Variants in EFNA5 observed in about 807,000 individuals in gnomAD.
EFNA5 encodes ephrin A5.
EFNA5 carries 5 observed loss-of-function variants against 22.9 expected under a neutral mutation model. The observed-to-expected ratio is 0.22, with a 90% CI of 0.11 to 0.46. The LOEUF is 0.46. EFNA5 is among the 20% of genes least tolerant of loss of function. The probability of loss-of-function intolerance (pLI) is 0.99; values close to 1 mark genes in which losing one functional copy is unlikely to be tolerated. For missense variants in EFNA5, 237 were observed against 293.3 expected, an observed-to-expected ratio of 0.81 and a Z score of 1.40; for synonymous variants, 113 against 112.2, an observed-to-expected ratio of 1.01 and a Z score of -0.04.
intron 1 of EFNA5, among the ~76,000 whole-genome samples, chr5:107,604,267 AC>A (rs1749663169): frequency 6.6e-6 from 1 of 151,440 alleles, no homozygotes; most frequent in Non-Finnish European, 1.5e-5. Flanking sequence ...GCCACCTTGA[AC>A]TCCTGGGCTC....
intron 1 of EFNA5, among the ~76,000 whole-genome samples, chr5:107,612,050 A>C (rs1448806150): frequency 1.3e-5 from 2 of 152,224 alleles, no homozygotes; most frequent in African/African-American, 2.4e-5. Context: ...ATTAACAGAT[A>C]TTCTTCAAAT....
At chr5:107,477,496 A>G (rs999746711) in intron 1 of EFNA5, among the ~76,000 whole-genome samples, 10 of 152,310 alleles carry the variant, frequency 6.6e-5, no homozygotes, top group East Asian at 5.8e-4. Flanking sequence ...AAAATTGTCT[A>G]CATTAATTTA....
intron 1 of EFNA5, among the ~76,000 whole-genome samples, chr5:107,623,060 T>TAAAAAAAA (rs1750072542): frequency 1.1e-5 from 1 of 93,250 alleles, no homozygotes; most frequent in African/African-American, 5.0e-5. Context: ...AAAAAAAAAG[T>TAAAAAAAA]TGAATACTCA....
At chr5:107,415,368 G>C (rs1378637130) in intron 2 of EFNA5, among the ~76,000 whole-genome samples, 2 of 152,096 alleles carry the variant, frequency 1.3e-5, no homozygotes, top group African/African-American at 4.8e-5. Context: ...AAACTCTTCA[G>C]AACAGAATTA....
chr5:107,397,585 T>G (rs2112384446), intron 2 of EFNA5, among the ~76,000 whole-genome samples: 1 of 152,278 alleles, frequency 6.6e-6, no homozygotes, highest in African/African-American at 2.4e-5. Context: ...CTATTTTATT[T>G]ACACAAATCA....
At chr5:107,629,597 G>T (rs1750203933) in intron 1 of EFNA5, among the ~76,000 whole-genome samples, 2 of 152,202 alleles carry the variant, frequency 1.3e-5, no homozygotes, top group African/African-American at 4.8e-5. Flanking sequence ...CTGTGCACCT[G>T]TGGCAGCAGG....
chr5:107,453,444 G>A (rs1749612214), intron 1 of EFNA5, among the ~76,000 whole-genome samples: 2 of 152,098 alleles, frequency 1.3e-5, no homozygotes, highest in South Asian at 2.1e-4. Context: ...AAAATATGCT[G>A]AGCCTATTAT....
chr5:107,475,203 A>C (rs1302136965), intron 1 of EFNA5, among the ~76,000 whole-genome samples: 1 of 152,220 alleles, frequency 6.6e-6, no homozygotes, highest in Non-Finnish European at 1.5e-5. Flanking sequence ...AAGTTATACG[A>C]TATTAAATGT....
At chr5:107,463,405 T>TAC (rs1749886824) in intron 1 of EFNA5, among the ~76,000 whole-genome samples, 1 of 152,078 alleles carries the variant, frequency 6.6e-6, no homozygotes, top group African/African-American at 2.4e-5. Context: ...TCCTCAATAA[T>TAC]ACATTTATTT....
intron 1 of EFNA5, among the ~76,000 whole-genome samples, chr5:107,436,560 C>T (rs80211362): frequency 0.016 from 2,442 of 152,252 alleles, 35 homozygotes; most frequent in Middle Eastern, 0.037. Flanking sequence ...ATGCAAAACA[C>T]GCTTTTCCTC....
chr5:107,614,031 G>A (rs538313978), intron 1 of EFNA5, among the ~76,000 whole-genome samples: 70 of 152,200 alleles, frequency 4.6e-4, no homozygotes, highest in Middle Eastern at 3.4e-3. Flanking sequence ...GAACTCAGTC[G>A]TCCTAGAACC....
intron 1 of EFNA5, among the ~76,000 whole-genome samples, chr5:107,593,492 C>T (rs1413919285): frequency 3.3e-5 from 5 of 152,174 alleles, no homozygotes; most frequent in Non-Finnish European, 7.3e-5. Context: ...AAGACATGTC[C>T]AGTTTTGTCA....
chr5:107,560,806 T>A (rs1748519508), intron 1 of EFNA5, among the ~76,000 whole-genome samples: 1 of 152,076 alleles, frequency 6.6e-6, no homozygotes, highest in Non-Finnish European at 1.5e-5. Context: ...GCTTAGACAA[T>A]GCATGGAGTG....
At chr5:107,591,943 T>TAATATATAATATATAA (rs1749353117) in intron 1 of EFNA5, among the ~76,000 whole-genome samples, 2 of 18,816 alleles carry the variant, frequency 1.1e-4, no homozygotes, top group East Asian at 4.4e-3. Context: ...AATATATATA[T>TAATATATAATATATAA]TATATATAAT....
At chr5:107,540,217 C>A (rs1329634379) in intron 1 of EFNA5, among the ~76,000 whole-genome samples, 1 of 152,120 alleles carries the variant, frequency 6.6e-6, no homozygotes, top group African/African-American at 2.4e-5. Flanking sequence ...GCTTTATGAA[C>A]ATACATAATT....
intron 1 of EFNA5, among the ~76,000 whole-genome samples, chr5:107,623,027 C>CAAAAAAAAAAAAAAAAA (rs61689503): frequency 3.3e-5 from 1 of 29,886 alleles, no homozygotes; most frequent in African/African-American, 1.4e-4. Flanking sequence ...GACTCCGTCT[C>CAAAAAAAAAAAAAAAAA]AAAAAAAAAA....
At chr5:107,529,800 T>C (rs969902762) in intron 1 of EFNA5, among the ~76,000 whole-genome samples, 1 of 152,172 alleles carries the variant, frequency 6.6e-6, no homozygotes. Flanking sequence ...AACAAAGTAT[T>C]AGTATACAAG....
chr5:107,413,576 G>T (rs1251133714), intron 2 of EFNA5, among the ~76,000 whole-genome samples: 3 of 151,990 alleles, frequency 2.0e-5, no homozygotes, highest in Non-Finnish European at 4.4e-5. Flanking sequence ...GAAACTGTTG[G>T]TCCAAAATGA....
At chr5:107,413,946 A>G in intron 2 of EFNA5, among the ~76,000 whole-genome samples, 1 of 152,176 alleles carries the variant, frequency 6.6e-6, no homozygotes, top group East Asian at 1.9e-4. Flanking sequence ...CAACATTCAC[A>G]TCACAAAGAC....
Sources: gnomAD v4.1 joint callset for allele counts (sites outside exome capture counted in the v4.1 genomes callset) on GRCh38, gnomAD v4.1.1 for gene constraint, MANE v1.5 for transcripts, NCBI Gene and HGNC (gene_info 2026-07-23, HGNC 2026-07-21) for gene names.